The following ALAD variants were observed in gnomAD, a reference collection of about 807,000 sequenced individuals.
The protein encoded by ALAD is aminolevulinate dehydratase.
Under a neutral mutation model 44.4 loss-of-function variants are expected in ALAD, and 20 were observed. The observed-to-expected ratio is 0.45, with a 90% CI of 0.32 to 0.65. The LOEUF (loss-of-function observed/expected upper bound fraction) is 0.65. ALAD is among the 30% of genes least tolerant of loss of function. The probability of loss-of-function intolerance (pLI) is 0.05; values close to 1 mark genes in which losing one functional copy is unlikely to be tolerated. For synonymous variants in ALAD, 156 were observed against 167.9 expected (o/e 0.93, Z 0.55); for missense variants, 323 against 445.7 (o/e 0.72, Z 2.48).
intron 1 of ALAD, chr9:113,396,719 G>A (rs1257084910): frequency 2.0e-5 from 3 of 153,444 alleles, no homozygotes; most frequent in African/African-American, 7.2e-5. Context: ...AGGCTGGGGA[G>A]GCTGCGGGCA....
rs756840624 is a variant in ALAD at position 113,393,582 on chromosome 9, G to A, written c.-23C>T. ...CATGGCGTGGGCCAGTGGGCACAGG[G>A]GCATCAGTTGGTTGGAACCGAGGGC... On this transcript the variant is annotated 5_prime_UTR_variant, in exon 2 of 12. Transcript: ENST00000409155. The A allele has an allele frequency of 2.4e-5, 38 of 1,600,886 alleles. 1 individual carries two copies. Among genetic ancestry groups the A allele is most frequent in the East Asian group, 1.3e-4 (6 of 44,812 alleles).
At chr9:113,390,723 C>G in intron 5 of ALAD, 47 bp from the exon 6 acceptor site, 1 of 1,603,626 alleles carries the variant, frequency 6.2e-7, no homozygotes, top group Non-Finnish European at 8.5e-7. Flanking sequence ...GGGCCCTGGC[C>G]TGTCCCCACC....
intron 11 of ALAD, 143 bp downstream of exon 11, chr9:113,388,834 T>C (rs1448997145): frequency 5.3e-6 from 7 of 1,326,600 alleles, no homozygotes; most frequent in South Asian, 1.2e-5. Flanking sequence ...GTTCCATATC[T>C]CTTCCTCAGT....
intron 2 of ALAD, 121 bp downstream of exon 2, chr9:113,393,326 T>C (rs1181044595): frequency 1.1e-6 from 1 of 888,530 alleles, no homozygotes; most frequent in East Asian, 2.6e-5. Flanking sequence ...GCCTTGAATT[T>C]CAAGCTGACA....
intron 1 of ALAD, among the ~76,000 whole-genome samples, chr9:113,399,093 A>G (rs1827799960): frequency 6.6e-6 from 1 of 152,216 alleles, no homozygotes; most frequent in Non-Finnish European, 1.5e-5. Context: ...GACGCAGAGT[A>G]TAGGGCGGTG....
At chr9:113,392,502 G>T in intron 2 of ALAD, 1 of 365,984 alleles carries the variant, frequency 2.7e-6, no homozygotes, top group Non-Finnish European at 4.9e-6. Flanking sequence ...CCGTGGCCAA[G>T]TTCTATCATC....
chr9:113,393,331 C>A, intron 2 of ALAD, 116 bp downstream of exon 2: 6 of 920,876 alleles, frequency 6.5e-6, no homozygotes, highest in Non-Finnish European at 1.1e-5. Flanking sequence ...GAATTTCAAG[C>A]TGACAGCTCA....
At chr9:113,389,406 C>G (rs1326974434) in intron 10 of ALAD, 32 bp downstream of exon 10, 3 of 1,610,380 alleles carry the variant, frequency 1.9e-6, no homozygotes, top group Non-Finnish European at 2.5e-6. Context: ...TCCCAGCCCC[C>G]TGAGCCCCCT....
At chr9:113,393,692 C>T in intron 1 of ALAD, 58 bp from the exon 2 acceptor site, 2 of 723,020 alleles carry the variant, frequency 2.8e-6, no homozygotes, top group Non-Finnish European at 4.9e-6. Flanking sequence ...GAGATGGTCA[C>T]ATCTGGAAAA....
At chr9:113,392,339 AAAT>A (rs1827614460) in intron 2 of ALAD, 170 bp from the exon 3 acceptor site, 2 of 1,521,664 alleles carry the variant, frequency 1.3e-6, no homozygotes, top group Non-Finnish European at 8.9e-7. Flanking sequence ...CCAGGGCCTG[AAAT>A]AATAATAGGA....
chr9:113,396,058 T>G (rs570514353), intron 1 of ALAD, among the ~76,000 whole-genome samples: 16 of 152,048 alleles, frequency 1.1e-4, no homozygotes, highest in African/African-American at 3.9e-4. Flanking sequence ...TAGCCGGGTG[T>G]GGTGGCACAT....
At chr9:113,389,315 G>A in intron 10 of ALAD, 123 bp downstream of exon 10, 2 of 1,336,786 alleles carry the variant, frequency 1.5e-6, no homozygotes, top group East Asian at 2.4e-5. Context: ...TGGTTCCTGG[G>A]CAGGGAAGGG....
rs1588081227 is a variant in ALAD at position 113,388,135 on chromosome 9, T to C, written c.*165A>G. ...GGATGCAGCTGCGAGTTACAAGAGT[T>C]AGCATGCTGGCAAAACCACCCAGGG... is the stretch of plus-strand genomic sequence containing the variant. On this transcript the variant is annotated 3_prime_UTR_variant, in exon 12 of 12. Transcript: ENST00000409155. 4.2e-6 allele frequency: 3 copies of C among 720,166 alleles called. No individual in the cohort carries two copies. The highest frequency in any genetic ancestry group is 5.4e-5 in the East Asian group (2 of 37,162). The allele number at this position is 720,166 out of a possible 1,614,324, so 44.6% of individuals were successfully genotyped here. A position where few individuals can be genotyped will look rare whatever the true frequency, so the allele number is the denominator to read the frequency against.
intron 2 of ALAD, 41 bp downstream of exon 2, chr9:113,393,406 A>AACCCCC (rs1827647946): frequency 9.0e-6 from 13 of 1,448,698 alleles, no homozygotes; most frequent in East Asian, 2.4e-5. Flanking sequence ...CCCCAACCCC[A>AACCCCC]ACCAGCAGAG....
rs916327626 is a variant in ALAD, at chr9:113,388,088, G to C, written c.*212C>G. On this transcript the variant is annotated 3_prime_UTR_variant, in exon 12 of 12. Coordinates refer to ENST00000409155, the MANE Select transcript of ALAD (RefSeq NM_000031.6). Reference sequence around the variant, plus strand: ...TCACGGCTGACCCAGGGGAGGGGCGGGGAAGCTTGGGAGAGCTCATAGGAT... The same window carrying C: ...TCACGGCTGACCCAGGGGAGGGGCGCGGAAGCTTGGGAGAGCTCATAGGAT... 5 of 617,782 alleles carry C rather than the reference G, an allele frequency of 8.1e-6. No homozygotes were observed. Among genetic ancestry groups the C allele is most frequent in the Non-Finnish European group, 1.5e-5 (5 of 339,068 alleles). 38.3% of individuals were successfully genotyped at this position (617,782 alleles called of 1,614,324 possible).
In ALAD at chr9:113,388,285, C is replaced by G. The variant is rs1827462256; in HGVS notation, c.*15G>C. 1.2e-6 allele frequency: 2 copies of G among 1,613,998 alleles called. No homozygotes were observed. Among genetic ancestry groups the G allele is most frequent in the Non-Finnish European group, 1.7e-6 (2 of 1,179,954 alleles). On this transcript the variant is annotated 3_prime_UTR_variant, in exon 12 of 12. Coordinates refer to ENST00000409155, the MANE Select transcript of ALAD (RefSeq NM_000031.6). ...CGTTTTAAAGTTCTAGTTCTTGGGC[C>G]TGGCACTGTCTCCATCATTCCTCCT...
At chr9:113,388,396 G>T (rs1248479753) in intron 11 of ALAD, 35 bp from the exon 12 acceptor site, 2 of 1,603,668 alleles carry the variant, frequency 1.2e-6, no homozygotes, top group Admixed American at 1.7e-5. Context: ...TTGCTGGGGG[G>T]ACGCTGATCA....
At position 113,390,858 on chromosome 9, in the gene ALAD, G is replaced by T. The variant is rs1486329193; in HGVS notation, c.337C>A (p.Pro113Thr). The T allele has an allele frequency of 1.2e-6, 2 of 1,614,128 alleles. No individual in the cohort carries two copies. Among genetic ancestry groups the T allele is most frequent in the Admixed American group, 3.3e-5 (2 of 60,026 alleles). ...EAIHLLRKTF[P>T]NLLVACDVCL... ...ACATCACAGGCCACCAGGAGGTTGG[G>T]GAAGGTCTTCCTCAACAGATGGATT... Residue 113 changes from proline (P) to threonine (T), a missense_variant, in exon 5 of 12, where the codon CCC (proline) becomes ACC (threonine). Pro to Thr is a conservative substitution (Grantham distance 38). Transcript: ENST00000409155.
At chr9:113,389,861 C>T (rs779097677) in intron 7 of ALAD, 33 bp from the exon 8 acceptor site, 32 of 1,613,444 alleles carry the variant, frequency 2.0e-5, no homozygotes, top group African/African-American at 1.1e-4. Context: ...TTGGCTTATT[C>T]GGCCCTTGCC....
Sources: gnomAD v4.1 joint callset for allele counts (sites outside exome capture counted in the v4.1 genomes callset) on GRCh38, gnomAD v4.1.1 for gene constraint, MANE v1.5 for transcripts, NCBI Gene and HGNC (gene_info 2026-07-23, HGNC 2026-07-21) for gene names.